VLDLR: variants seen among roughly 807,000 people sequenced by gnomAD.
The protein encoded by VLDLR is very low density lipoprotein receptor.
A neutral mutation model predicts 112.7 loss-of-function variants in VLDLR; 81 were observed. That is an observed-to-expected ratio of 0.72 (90% CI 0.60 to 0.86). The LOEUF (loss-of-function observed/expected upper bound fraction) is 0.86, where lower values mean the gene tolerates loss of function less well. VLDLR is among the 40% of genes least tolerant of loss of function. VLDLR has a pLI of 0.00. For missense variants in VLDLR, 1,237 were observed against 1,099.4 expected (o/e 1.13, Z -1.77); for synonymous variants, 436 against 384.8 (o/e 1.13, Z -1.56).
rs1064796597 is a variant in VLDLR, at chr9:2,622,271, G to A, written c.82G>A (p.Gly28Arg). ...CCGGGAGAGCGGCGCCACCGGAACC[G>A]GTGAGTGAGGACGCGCCCCTCCGCC... ...APRESGATGT[G>R]RKAKCEPSQF... Residue 28 changes from glycine to arginine, a missense_variant and splice_region_variant, in exon 1 of 19, where the codon GGG becomes AGG. Transcript: ENST00000382100. 1.8e-5 allele frequency: 27 copies of A among 1,485,716 alleles called. No homozygotes were observed. The highest frequency in any genetic ancestry group is 4.4e-5 in the Admixed American group (2 of 45,268). 92.0% of individuals were successfully genotyped at this position (1,485,716 alleles called of 1,614,324 possible).
At chr9:2,623,448 C>G (rs988664668) in intron 1 of VLDLR, among the ~76,000 whole-genome samples, 2 of 133,024 alleles carry the variant, frequency 1.5e-5, no homozygotes, top group South Asian at 2.7e-4. Context: ...CCCTGGCTCC[C>G]GTCGCCGGGT....
chr9:2,640,021 G>T, intron 3 of VLDLR, 40 bp downstream of exon 3: 1 of 1,614,026 alleles, frequency 6.2e-7, no homozygotes, highest in Non-Finnish European at 8.5e-7. Flanking sequence ...TTGCCAAGTT[G>T]TTCGGTGTCT....
intron 2 of VLDLR, 138 bp from the exon 3 acceptor site, chr9:2,639,721 G>A: frequency 8.0e-7 from 1 of 1,244,470 alleles, no homozygotes; most frequent in Non-Finnish European, 1.2e-6. Context: ...AGTTTCCCCT[G>A]GATATTGGCA....
At chr9:2,625,582 G>T (rs1041221402) in intron 1 of VLDLR, among the ~76,000 whole-genome samples, 2 of 152,196 alleles carry the variant, frequency 1.3e-5, no homozygotes, top group Non-Finnish European at 2.9e-5. Context: ...GCTTGATGAG[G>T]TCTATAATGA....
At position 2,635,447 on chromosome 9, in the gene VLDLR, T is replaced by C; in HGVS notation, c.83-6T>C. ...TGCTTTACCGAATGTTCCCTTCTTA[T>C]TCTAGGGAGAAAAGCCAAATGTGAA... On this transcript the variant is annotated splice_polypyrimidine_tract_variant and splice_region_variant and intron_variant, in intron 1 of 18. Transcript: ENST00000382100. The C allele has an allele frequency of 1.9e-6, 3 of 1,613,988 alleles. No individual in the cohort carries two copies. Among genetic ancestry groups the C allele is most frequent in the East Asian group, 2.2e-5 (1 of 44,860 alleles).
intron 1 of VLDLR, among the ~76,000 whole-genome samples, chr9:2,623,054 C>G (rs1256608345): frequency 1.3e-5 from 2 of 152,242 alleles, no homozygotes; most frequent in Non-Finnish European, 2.9e-5. Flanking sequence ...TTTGCTGACC[C>G]TCCTTCCCGG....
chr9:2,622,419 G>A lies in VLDLR; in HGVS notation c.82+148G>A, dbSNP rs530534334. The A allele has an allele frequency of 5.3e-4, 366 of 687,598 alleles. 2 individuals carry two copies. The African/African-American group carries it at 6.6e-3, about 12-fold the overall frequency. The allele number at this position is 687,598 out of a possible 1,614,324, so 42.6% of individuals were successfully genotyped here. The stretch of plus-strand genomic sequence containing the variant: ...TTCCCTCCCTCCCCTCCGTGGTGGC[G>A]CCTCTGAGCTGTCAGCGCCGAGGCT... On this transcript the variant is annotated intron_variant, in intron 1 of 18. Transcript: ENST00000382100.
At chr9:2,646,627 A>G in intron 11 of VLDLR, 75 bp downstream of exon 11, 4 of 1,345,134 alleles carry the variant, frequency 3.0e-6, no homozygotes, top group Non-Finnish European at 4.2e-6. Flanking sequence ...TACCTGAATT[A>G]GTACTCAAAT....
chr9:2,625,058 A>T (rs983907681), intron 1 of VLDLR, among the ~76,000 whole-genome samples: 1 of 152,258 alleles, frequency 6.6e-6, no homozygotes, highest in Non-Finnish European at 1.5e-5. Flanking sequence ...CTGCTATTTA[A>T]CACTAAACAT....
In VLDLR at chr9:2,657,730, TGTC is replaced by T. The variant is rs1328598063; in HGVS notation, c.*3866_*3868del. On this transcript the variant is annotated 3_prime_UTR_variant, in exon 19 of 19. Coordinates refer to ENST00000382100, the MANE Select transcript of VLDLR (RefSeq NM_003383.5). Reference sequence around the variant, plus strand: ...GCCCTGGTTGAGGTGCATTGTCTGCTGTCGTCTGTTAAGCATCTAACCGGAGTG... The same window carrying T: ...GCCCTGGTTGAGGTGCATTGTCTGCTGTCTGTTAAGCATCTAACCGGAGTG... 4 of 152,238 alleles carry T rather than the reference TGTC, an allele frequency of 2.6e-5. No homozygotes were observed. The highest frequency in any genetic ancestry group is 4.4e-5 in the Non-Finnish European group (3 of 68,056). 9.4% of individuals were successfully genotyped at this position (152,238 alleles called of 1,614,324 possible).
At chr9:2,647,119 G>A (rs1238516493) in intron 11 of VLDLR, among the ~76,000 whole-genome samples, 7 of 150,792 alleles carry the variant, frequency 4.6e-5, no homozygotes, top group East Asian at 1.9e-4. Flanking sequence ...ACTGGCCCCC[G>A]TGCAGCCTCA....
At position 2,622,124 on chromosome 9, in the gene VLDLR, G is replaced by A. The variant is rs1241589460; in HGVS notation, c.-66G>A. The A allele has an allele frequency of 6.3e-6, 9 of 1,420,778 alleles. No homozygotes were observed. In the Admixed American group the frequency reaches 2.0e-4, roughly 31 times the overall value. The allele number at this position is 1,420,778 out of a possible 1,614,324, so 88.0% of individuals were successfully genotyped here. A position where few individuals can be genotyped will look rare whatever the true frequency, so the allele number is the denominator to read the frequency against. On this transcript the variant is annotated 5_prime_UTR_variant, in exon 1 of 19. Coordinates refer to ENST00000382100, the MANE Select transcript of VLDLR (RefSeq NM_003383.5). The stretch of plus-strand genomic sequence containing the variant: ...CCTTCTTCCTCCTTTCGGAAGGACT[G>A]GTAACTTGTCGTGCGGAGCGAACGG...
rs1246325303 is a variant in VLDLR, at chr9:2,643,631, C to T, written c.824C>T (p.Ser275Phe). Reference protein sequence around the residue: ...KDGSDEVNCPSRTCRPDQFEC... With the variant: ...KDGSDEVNCPFRTCRPDQFEC... ...ATGGTGTTTCCTCCCTTTGTAGCCT[C>T]TCGAACTTGCCGACCTGACCAATTT... Residue 275 changes from serine to phenylalanine, a missense_variant, in exon 6 of 19, where the codon TCT becomes TTT. Coordinates refer to ENST00000382100, the MANE Select transcript of VLDLR (RefSeq NM_003383.5). The T allele has an allele frequency of 6.2e-7, 1 of 1,614,066 alleles. No individual in the cohort carries two copies. Among genetic ancestry groups the T allele is most frequent in the South Asian group, 1.1e-5 (1 of 91,084 alleles).
chr9:2,653,788 A>G (rs777124803), intron 18 of VLDLR, 45 bp from the exon 19 acceptor site: 1 of 1,611,464 alleles, frequency 6.2e-7, no homozygotes, highest in Non-Finnish European at 8.5e-7. Flanking sequence ...AGTTGCCATC[A>G]GTGAGTGATC....
chr9:2,629,317 T>G (rs1167203740), intron 1 of VLDLR, among the ~76,000 whole-genome samples: 1 of 152,244 alleles, frequency 6.6e-6, no homozygotes, highest in African/African-American at 2.4e-5. Context: ...AACCAAGAGC[T>G]ATAATCCTTT....
chr9:2,650,617 G>C, intron 15 of VLDLR, 101 bp downstream of exon 15: 1 of 1,488,790 alleles, frequency 6.7e-7, no homozygotes, highest in Non-Finnish European at 9.2e-7. Context: ...CTAATTCTTT[G>C]AATAGATTTG....
rs1817918519 is a variant in VLDLR, at chr9:2,643,455, TG to T, written c.746del (p.Gly249AlafsTer84). 6.2e-7 allele frequency: 1 copy of T among 1,614,100 alleles called. No individual in the cohort carries two copies. The highest frequency in any genetic ancestry group is 8.5e-7 in the Non-Finnish European group (1 of 1,180,046). On this transcript the variant is annotated frameshift_variant, in exon 5 of 19. Coordinates refer to ENST00000382100, the MANE Select transcript of VLDLR (RefSeq NM_003383.5). LOFTEE classifies it high-confidence loss of function. ...CPASEIQCGS[G>X]ECIHKKWRCD... ...CAGCCAGCGAAATCCAGTGCGGCTC[TG>T]GCGAGTGCATCCATAAGAAGTGGCG...
At chr9:2,636,345 T>A (rs1325141748) in intron 2 of VLDLR, among the ~76,000 whole-genome samples, 2 of 152,222 alleles carry the variant, frequency 1.3e-5, no homozygotes, top group South Asian at 4.1e-4. Flanking sequence ...GCTAACATTG[T>A]CATTTATCTT....
rs149735486 is a variant in VLDLR, at chr9:2,653,362, T to C, written c.2586+413T>C. On this transcript the variant is annotated intron_variant, in intron 18 of 18. Transcript: ENST00000382100. ...ACTTAGCCAAAATTATTATATGCTT[T>C]GCTTTAAAAAGGTATCCCACCGCCC... 5.9e-5 allele frequency among the ~76,000 whole-genome samples: 9 copies of C among 152,184 alleles called. No individual in the cohort carries two copies. The East Asian group carries it at 1.7e-3, about 29-fold the overall frequency.
Sources: allele counts gnomAD v4.1 joint callset (sites outside exome capture counted in the v4.1 genomes callset), GRCh38; gene constraint gnomAD v4.1.1; transcripts MANE v1.5; gene names NCBI Gene and HGNC (gene_info 2026-07-23, HGNC 2026-07-21).